Variants in PCSK5 observed in about 807,000 individuals in gnomAD.
The protein encoded by PCSK5 is proprotein convertase subtilisin/kexin type 5, also known as prohormone convertase 5.
A neutral mutation model predicts 233.2 loss-of-function variants in PCSK5; 129 were observed. That is an observed-to-expected ratio of 0.55 (90% CI 0.48 to 0.64). The LOEUF (loss-of-function observed/expected upper bound fraction) is 0.64, where lower values mean the gene tolerates loss of function less well. Among genes scored for constraint, PCSK5 ranks in the 30% least tolerant of loss-of-function variants. The pLI is 0.00. For missense variants in PCSK5, 2,076 were observed against 2,430.1 expected (o/e 0.85, Z 3.06); for synonymous variants, 825 against 879.2 (o/e 0.94, Z 1.09).
intron 7 of PCSK5, among the ~76,000 whole-genome samples, chr9:76,089,736 AAAT>A (rs1255764007): frequency 3.9e-5 from 6 of 152,360 alleles, no homozygotes; most frequent in Admixed American, 3.9e-4. Context: ...ACTGACTAAA[AAAT>A]AATCACATGA....
rs1252859706 is a variant in PCSK5, at chr9:76,358,438, A to G, written c.5255-75A>G. Reference sequence around the variant, plus strand: ...AAATAAAGGTGAAATTCTTTACCTCAGAAACTAATTTTCTCTATTCTATTT... The same window carrying G: ...AAATAAAGGTGAAATTCTTTACCTCGGAAACTAATTTTCTCTATTCTATTT... On this transcript the variant is annotated intron_variant, in intron 37 of 37. Transcript: ENST00000674117. 3.4e-6 allele frequency: 4 copies of G among 1,168,134 alleles called. No homozygotes were observed. In the African/African-American group the frequency reaches 4.6e-5, roughly 13 times the overall value. 72.4% of individuals were successfully genotyped at this position (1,168,134 alleles called of 1,614,324 possible).
rs745514751 is a variant in PCSK5, at chr9:76,338,219, T to C, written c.4749-11T>C. ...CTTACTATTCCATCTTTTCTTCTCC[T>C]TTGGTTTCAGATATTACGCAGACAA... On this transcript the variant is annotated splice_polypyrimidine_tract_variant and intron_variant, in intron 34 of 37. Coordinates refer to ENST00000674117, the MANE Select transcript of PCSK5 (RefSeq NM_001372043.1). 4.4e-6 allele frequency: 7 copies of C among 1,599,192 alleles called. No individual in the cohort carries two copies. Among genetic ancestry groups the C allele is most frequent in the Non-Finnish European group, 6.0e-6 (7 of 1,169,956 alleles).
At chr9:76,145,897 C>T (rs538242531) in intron 10 of PCSK5, among the ~76,000 whole-genome samples, 2 of 152,268 alleles carry the variant, frequency 1.3e-5, no homozygotes, top group African/African-American at 4.8e-5. Flanking sequence ...AAAAGAAATG[C>T]TGAAAATTAA....
intron 5 of PCSK5, 76 bp from the exon 6 acceptor site, chr9:76,067,877 CTG>C: frequency 8.8e-7 from 1 of 1,130,840 alleles, no homozygotes; most frequent in Admixed American, 1.7e-5. Flanking sequence ...CTTCACCACT[CTG>C]AGTGGTGGCA....
chr9:76,317,927 G>A (rs1426003936), intron 30 of PCSK5, among the ~76,000 whole-genome samples: 3 of 152,204 alleles, frequency 2.0e-5, no homozygotes, highest in Non-Finnish European at 4.4e-5. Flanking sequence ...ACATGAGTGA[G>A]AGTAAATGAT....
intron 1 of PCSK5, among the ~76,000 whole-genome samples, chr9:75,918,127 C>T (rs929416461): frequency 1.2e-4 from 18 of 152,160 alleles, no homozygotes; most frequent in African/African-American, 4.3e-4. Flanking sequence ...GGATAAAACT[C>T]TTCTTGAAAT....
intron 24 of PCSK5, among the ~76,000 whole-genome samples, chr9:76,251,470 G>A (rs920096511): frequency 1.1e-4 from 17 of 151,234 alleles, no homozygotes; most frequent in Admixed American, 7.2e-4. Context: ...AGGCTGAGAC[G>A]GAGAATTGCT....
At chr9:76,295,131 C>T (rs910773060) in intron 25 of PCSK5, 144 bp from the exon 26 acceptor site, 16 of 673,378 alleles carry the variant, frequency 2.4e-5, no homozygotes, top group South Asian at 8.1e-5. Context: ...CCAGCCTGGG[C>T]GACAAGAGCA....
rs370584000 is a variant in PCSK5, at chr9:76,350,898, C to A, written c.5037C>A (p.Asp1679Glu). Residue 1679 changes from aspartate to glutamate, a missense_variant, in exon 36 of 38, where the codon GAC becomes GAA. Coordinates refer to ENST00000674117, the MANE Select transcript of PCSK5 (RefSeq NM_001372043.1). ...TCATGGGAGGGATCTGCACCTCGGA[C>A]TGTCTTGTGGGGGAATACAGAGTGG... Reference protein sequence around the residue: ...YHLMGGICTSDCLVGEYRVGE... With the variant: ...YHLMGGICTSECLVGEYRVGE... The A allele has an allele frequency of 1.0e-5, 16 of 1,606,948 alleles. No homozygotes were observed. The African/African-American group carries it at 1.7e-4, about 17-fold the overall frequency.
intron 20 of PCSK5, among the ~76,000 whole-genome samples, chr9:76,214,339 C>T (rs964555581): frequency 5.3e-5 from 8 of 151,896 alleles, no homozygotes; most frequent in Admixed American, 2.0e-4. Flanking sequence ...TGTGTGTGCA[C>T]GCAGCCCACC....
chr9:76,096,684 C>T (rs1831530121), intron 8 of PCSK5, among the ~76,000 whole-genome samples: 2 of 151,480 alleles, frequency 1.3e-5, no homozygotes, highest in South Asian at 4.2e-4. Flanking sequence ...TCACTGCAAC[C>T]TCCACCTTGC....
chr9:76,064,210 G>C (rs1416198688), intron 5 of PCSK5, among the ~76,000 whole-genome samples: 4 of 113,318 alleles, frequency 3.5e-5, no homozygotes, highest in Non-Finnish European at 7.0e-5. Context: ...CCTCCCGGAC[G>C]GGGCGGCTGG....
In PCSK5 at chr9:76,188,644, G is replaced by T. The variant is rs760912793; in HGVS notation, c.2349G>T (p.Gln783His). 1.9e-5 allele frequency: 31 copies of T among 1,613,592 alleles called. No homozygotes were observed. Among genetic ancestry groups the T allele is most frequent in the Non-Finnish European group, 2.6e-5 (31 of 1,179,650 alleles). Residue 783 changes from glutamine to histidine, a missense_variant, in exon 18 of 38, where the codon CAG (glutamine) becomes CAT (histidine). By Grantham distance (24) the Gln-to-His change is conservative. Around this residue, in one of 6 missense-constraint regions of PCSK5, gnomAD observed 1,510 missense variants for 1,538.1 expected, o/e 0.98. Transcript: ENST00000674117. ...DGRYFNGQDC[Q>H]PCHRFCATCA... ...GGTATTTCAACGGCCAGGACTGCCA[G>T]CCCTGCCACCGCTTCTGCGCCACTT...
chr9:75,993,953 A>T (rs1826884795), intron 3 of PCSK5, among the ~76,000 whole-genome samples: 1 of 152,210 alleles, frequency 6.6e-6, no homozygotes, highest in Admixed American at 6.5e-5. Context: ...GCAGGTGTTC[A>T]TAATAAACCA....
At chr9:76,091,988 C>T (rs571309276) in intron 7 of PCSK5, among the ~76,000 whole-genome samples, 4 of 152,250 alleles carry the variant, frequency 2.6e-5, no homozygotes, top group Admixed American at 1.3e-4. Flanking sequence ...CTCTCAACCC[C>T]GTGGATCCCC....
At chr9:76,283,825 T>A (rs548256088) in intron 24 of PCSK5, among the ~76,000 whole-genome samples, 2 of 152,362 alleles carry the variant, frequency 1.3e-5, no homozygotes, top group South Asian at 4.1e-4. Context: ...AACATTTTCA[T>A]TCACATCTAT....
rs777502584 is a variant in PCSK5, at chr9:76,310,665, T to A, written c.3698T>A (p.Leu1233His). The change falls in exon 30 of 38, where the codon CTT becomes CAT. Residue 1233 changes from leucine (L) to histidine (H), a missense_variant. By Grantham distance (99) the Leu-to-His change is moderately conservative. Transcript: ENST00000674117. ...TTCCCTGAATTTCTAGGTGCATATCTTCTGGCTCAGGCCTGTGTTTCCTCC... is the reference window on the plus strand; with the variant it reads ...TTCCCTGAATTTCTAGGTGCATATCATCTGGCTCAGGCCTGTGTTTCCTCC... ...LCTSCPKGAY[L>H]LAQACVSSCP... 1 of 1,572,812 alleles carries A rather than the reference T, an allele frequency of 6.4e-7. No individual in the cohort carries two copies. Among genetic ancestry groups the A allele is most frequent in the Admixed American group, 2.0e-5 (1 of 51,052 alleles).
At chr9:76,264,527 A>G (rs2131364691) in intron 24 of PCSK5, among the ~76,000 whole-genome samples, 1 of 152,312 alleles carries the variant, frequency 6.6e-6, no homozygotes, top group Middle Eastern at 3.4e-3. Context: ...AACATCTGAC[A>G]AAGGTTTAAC....
chr9:75,896,713 CACATATAT>C (rs1478500106), intron 1 of PCSK5, among the ~76,000 whole-genome samples: 1 of 144,986 alleles, frequency 6.9e-6, no homozygotes, highest in Non-Finnish European at 1.6e-5. Flanking sequence ...CACACACACA[CACATATAT>C]ACACATATAC....
Sources: gnomAD v4.1 joint callset for allele counts (sites outside exome capture counted in the v4.1 genomes callset) on GRCh38, gnomAD v4.1.1 for gene constraint, gnomAD v4.1.1 regional missense constraint, MANE v1.5 for transcripts, NCBI Gene and HGNC (gene_info 2026-07-23, HGNC 2026-07-21) for gene names.